Variants in ACOT7 observed in about 807,000 individuals in gnomAD.
ACOT7 encodes acyl-CoA thioesterase 7.
ACOT7 carries 12 observed loss-of-function variants against 40.2 expected under a neutral mutation model. That is an observed-to-expected ratio of 0.30 (90% CI 0.19 to 0.48). The LOEUF (loss-of-function observed/expected upper bound fraction) is 0.48, where lower values mean the gene tolerates loss of function less well. Among genes scored for constraint, ACOT7 ranks in the 20% least tolerant of loss-of-function variants. The pLI is 0.99. For missense variants in ACOT7, 395 were observed against 530.8 expected (o/e 0.74, Z 2.51); for synonymous variants, 228 against 219.5 (o/e 1.04, Z -0.34).
At chr1:6,360,688 G>A (rs1355810186) in intron 1 of ACOT7, 1 of 1,613,986 alleles carries the variant, frequency 6.2e-7, no homozygotes. Context: ...CCCTCCAGAA[G>A]CTGCAGCCAA....
At position 6,358,943 on chromosome 1, in the gene ACOT7, G is replaced by A; in HGVS notation, c.144-9077C>T. ...TGACCCAGGACTGTCCCAGCTCCCT[G>A]CCACACCGGGCTTGGTGGGGAGCAC... On this transcript the variant is annotated intron_variant, in intron 1 of 8. Transcript: ENST00000361521. This position sits in a 1 kb window ranked among gnomAD's most constrained non-coding sequence, Gnocchi z 4.1. 3 of 1,527,006 alleles carry A rather than the reference G, an allele frequency of 2.0e-6. No individual in the cohort carries two copies. The highest frequency in any genetic ancestry group is 1.8e-6 in the Non-Finnish European group (2 of 1,131,612). 94.6% of individuals were successfully genotyped at this position (1,527,006 alleles called of 1,614,324 possible).
chr1:6,287,814 C>T (rs1639547198), intron 7 of ACOT7, among the ~76,000 whole-genome samples: 1 of 152,188 alleles, frequency 6.6e-6, no homozygotes, highest in African/African-American at 2.4e-5. Flanking sequence ...AGCATTTATG[C>T]TCCAAAAAGA....
At chr1:6,316,003 C>T (rs538944589) in intron 6 of ACOT7, among the ~76,000 whole-genome samples, 1 of 152,222 alleles carries the variant, frequency 6.6e-6, no homozygotes, top group Non-Finnish European at 1.5e-5. Flanking sequence ...CTCACTGATG[C>T]CTTTCAGCAC....
chr1:6,295,029 T>C, intron 6 of ACOT7, 49 bp from the exon 7 acceptor site: 2 of 1,426,734 alleles, frequency 1.4e-6, no homozygotes, highest in South Asian at 1.2e-5. Context: ...GCAGAGGAGA[T>C]TATTTCACAC....
rs944109360 is a variant in ACOT7 at position 6,264,384 on chromosome 1, A to G, written c.*213T>C. On this transcript the variant is annotated 3_prime_UTR_variant, in exon 9 of 9. Coordinates refer to ENST00000361521, the MANE Select transcript of ACOT7 (RefSeq NM_007274.4). Reference sequence around the variant, plus strand: ...AACGCCTCCCGGCGCTCGGGACAACACTGTGTAGCATTGATACTGGAATGA... The same window carrying G: ...AACGCCTCCCGGCGCTCGGGACAACGCTGTGTAGCATTGATACTGGAATGA... The G allele has an allele frequency of 1.8e-5, 10 of 569,548 alleles. No individual in the cohort carries two copies. The highest frequency in any genetic ancestry group is 3.2e-4 in the Middle Eastern group (1 of 3,108). The allele number at this position is 569,548 out of a possible 1,614,324, so 35.3% of individuals were successfully genotyped here.
At chr1:6,305,651 C>T (rs1640125283) in intron 6 of ACOT7, among the ~76,000 whole-genome samples, 1 of 151,388 alleles carries the variant, frequency 6.6e-6, no homozygotes, top group African/African-American at 2.4e-5. Flanking sequence ...CAGAGACGCT[C>T]CTCACTTCCT....
At chr1:6,277,203 C>T (rs3827721) in intron 8 of ACOT7, among the ~76,000 whole-genome samples, 2,201 of 152,338 alleles carry the variant, frequency 0.014, 30 homozygotes, top group East Asian at 0.038. Context: ...GCTGGCCCCT[C>T]GTGGTCACTG....
intron 8 of ACOT7, among the ~76,000 whole-genome samples, chr1:6,276,009 C>T (rs1445225517): frequency 1.3e-5 from 2 of 152,196 alleles, no homozygotes; most frequent in Non-Finnish European, 1.5e-5. Context: ...AGTGGGGTCA[C>T]GGCGCTCACT....
chr1:6,302,555 C>T (rs967233799), intron 6 of ACOT7, among the ~76,000 whole-genome samples: 11 of 152,052 alleles, frequency 7.2e-5, no homozygotes, highest in African/African-American at 2.4e-4. Flanking sequence ...CACAAATGCA[C>T]TTTTTAGTGT....
At position 6,282,658 on chromosome 1, in the gene ACOT7, C is replaced by T. The variant is rs182626006; in HGVS notation, c.830-1372G>A. ...TGGAGGGCGGTTAGCAGGCCAGAGG[C>T]AAGAGCGGTTATTCCATGTTAAAAA... On this transcript the variant is annotated intron_variant, in intron 7 of 8. Coordinates refer to ENST00000361521, the MANE Select transcript of ACOT7 (RefSeq NM_007274.4). This position sits in a 1 kb window ranked among gnomAD's most constrained non-coding sequence, Gnocchi z 4.5. 1.4e-5 allele frequency: 17 copies of T among 1,245,312 alleles called. No individual in the cohort carries two copies. The allele number at this position is 1,245,312 out of a possible 1,614,324, so 77.1% of individuals were successfully genotyped here.
intron 6 of ACOT7, among the ~76,000 whole-genome samples, chr1:6,307,238 C>T (rs1000773876): frequency 3.3e-5 from 5 of 152,244 alleles, no homozygotes; most frequent in African/African-American, 4.8e-5. Context: ...GCGGTCATTA[C>T]GTGTTTCTCA....
Position 6,289,441 on chromosome 1 carries a change from C to G in ACOT7, c.829+5423G>C, listed in dbSNP as rs148516287. Among the ~76,000 whole-genome samples the G allele has an allele frequency of 1.1e-4, 16 of 152,214 alleles. No individual in the cohort carries two copies. The East Asian group carries it at 2.9e-3, about 28-fold the overall frequency. On this transcript the variant is annotated intron_variant, in intron 7 of 8. Coordinates refer to ENST00000361521, the MANE Select transcript of ACOT7 (RefSeq NM_007274.4). The surrounding 1 kb of genome is among the most constrained non-coding windows in gnomAD (Gnocchi z 4.6). ...ATTGAGACAAGGTCTCACTCTGTCA[C>G]CCAGGCTGAGTGCGGCGGCACAATC...
At chr1:6,276,434 G>C (rs3789509) in intron 8 of ACOT7, among the ~76,000 whole-genome samples, 3 of 152,054 alleles carry the variant, frequency 2.0e-5, no homozygotes, top group Admixed American at 6.5e-5. Flanking sequence ...GACCGAGACC[G>C]GGAAGTGCTG....
At chr1:6,292,453 A>C (rs1042076866) in intron 7 of ACOT7, among the ~76,000 whole-genome samples, 3 of 152,226 alleles carry the variant, frequency 2.0e-5, no homozygotes, top group African/African-American at 7.2e-5. Context: ...CCTTGTGGAA[A>C]GCCTTTGGCA....
intron 1 of ACOT7, among the ~76,000 whole-genome samples, chr1:6,386,797 T>C (rs2148483631): frequency 6.6e-6 from 1 of 152,320 alleles, no homozygotes; most frequent in Non-Finnish European, 1.5e-5. Context: ...AGGTTGGGGC[T>C]GCAGAGAACC....
At position 6,294,750 on chromosome 1, in the gene ACOT7, TG is replaced by T; in HGVS notation, c.829+113del. The T allele has an allele frequency of 1.3e-6, 1 of 741,336 alleles. No individual in the cohort carries two copies. Among genetic ancestry groups the T allele is most frequent in the Non-Finnish European group, 2.3e-6 (1 of 434,992 alleles). The allele number at this position is 741,336 out of a possible 1,614,324, so 45.9% of individuals were successfully genotyped here. On this transcript the variant is annotated intron_variant, in intron 7 of 8. Coordinates refer to ENST00000361521, the MANE Select transcript of ACOT7 (RefSeq NM_007274.4). This position sits in a 1 kb window ranked among gnomAD's most constrained non-coding sequence, Gnocchi z 4.6. ...TCAGCTTCCTGTTCCCTGTGGCAGA[TG>T]GGCACACACCAAGGCCCACATGACC...
intron 5 of ACOT7, among the ~76,000 whole-genome samples, chr1:6,325,420 T>C (rs552643093): frequency 3.3e-5 from 5 of 149,716 alleles, no homozygotes; most frequent in South Asian, 4.2e-4. Context: ...AAAAAAGATA[T>C]CTCTTTACTG....
intron 1 of ACOT7, among the ~76,000 whole-genome samples, chr1:6,351,714 T>C (rs933908809): frequency 2.0e-5 from 3 of 152,216 alleles, no homozygotes; most frequent in Non-Finnish European, 4.4e-5. Flanking sequence ...GCAGCCTGAA[T>C]GACTGCTGCA....
At chr1:6,295,883 A>AG (rs1639798832) in intron 6 of ACOT7, among the ~76,000 whole-genome samples, 1 of 152,050 alleles carries the variant, frequency 6.6e-6, no homozygotes, top group South Asian at 2.1e-4. Context: ...AAATACAAAA[A>AG]AAAAAAATCA....
Sources: gnomAD v4.1 joint callset for allele counts (sites outside exome capture counted in the v4.1 genomes callset) on GRCh38, gnomAD v4.1.1 for gene constraint, Gnocchi (gnomAD v3.1) non-coding constraint, MANE v1.5 for transcripts, NCBI Gene and HGNC (gene_info 2026-07-23, HGNC 2026-07-21) for gene names.